The following DOCK10 variants were observed in gnomAD, a reference collection of about 807,000 sequenced individuals.
The protein encoded by DOCK10 is dedicator of cytokinesis protein 10.
A neutral mutation model predicts 280.1 loss-of-function variants in DOCK10; 145 were observed. The ratio of observed to expected loss-of-function variants is 0.52; its 90% CI spans 0.45 to 0.59. The LOEUF is 0.59. DOCK10 is among the 20% of genes least tolerant of loss of function. The probability of loss-of-function intolerance (pLI) is 0.00; values close to 1 mark genes in which losing one functional copy is unlikely to be tolerated. For synonymous variants in DOCK10, 915 were observed against 942.2 expected, an observed-to-expected ratio of 0.97 and a Z score of 0.53; for missense variants, 2,368 against 2,651.7, an observed-to-expected ratio of 0.89 and a Z score of 2.35.
At chr2:224,790,462 G>T (rs1353206011) in intron 47 of DOCK10, among the ~76,000 whole-genome samples, 1 of 152,100 alleles carries the variant, frequency 6.6e-6, no homozygotes, top group Admixed American at 6.6e-5. Flanking sequence ...CTTCTATGTA[G>T]CAAGTGCTTT....
chr2:224,801,414 T>C (rs541626444), intron 40 of DOCK10, among the ~76,000 whole-genome samples: 1 of 152,188 alleles, frequency 6.6e-6, no homozygotes, highest in Non-Finnish European at 1.5e-5. Flanking sequence ...AAAACCCCTC[T>C]GATGAGACTG....
intron 31 of DOCK10, among the ~76,000 whole-genome samples, chr2:224,812,664 A>C (rs1006816401): frequency 2.0e-5 from 3 of 152,182 alleles, no homozygotes; most frequent in Non-Finnish European, 4.4e-5. Context: ...ACGTCCCATC[A>C]ATACCTAATT....
At chr2:224,875,432 A>G (rs1294871747) in intron 8 of DOCK10, among the ~76,000 whole-genome samples, 1 of 152,172 alleles carries the variant, frequency 6.6e-6, no homozygotes, top group Non-Finnish European at 1.5e-5. Flanking sequence ...CCTTCTATGT[A>G]GCTACAGACT....
At chr2:224,973,032 T>C (rs540024743) in intron 1 of DOCK10, among the ~76,000 whole-genome samples, 133 of 152,382 alleles carry the variant, frequency 8.7e-4, no homozygotes, top group South Asian at 3.7e-3. Context: ...AAAGTAAGTT[T>C]CTGCTTAACA....
chr2:224,960,773 T>C (rs915983642), intron 1 of DOCK10, among the ~76,000 whole-genome samples: 4 of 127,154 alleles, frequency 3.1e-5, no homozygotes, highest in African/African-American at 1.1e-4. Flanking sequence ...GGAGTTTCGC[T>C]CTGTCGCCCA....
At position 224,809,118 on chromosome 2, in the gene DOCK10, G is replaced by A. The variant is rs193155989; in HGVS notation, c.3410-1032C>T. Among the ~76,000 whole-genome samples, 398 of 151,158 alleles carry A rather than the reference G, an allele frequency of 2.6e-3. 1 individual carries two copies. Among genetic ancestry groups the A allele is most frequent in the African/African-American group, 7.4e-3 (305 of 41,234 alleles). On this transcript the variant is annotated intron_variant, in intron 31 of 55. Coordinates refer to ENST00000258390, the MANE Select transcript of DOCK10 (RefSeq NM_014689.3). ...TTTGAGCCTGAATTATAGAGAAAAG[G>A]CCCTGCCAAATTTTGAGCCTGAATT...
chr2:225,015,965 G>A (rs1257188356), intron 1 of DOCK10, among the ~76,000 whole-genome samples: 1 of 151,948 alleles, frequency 6.6e-6, no homozygotes, highest in Non-Finnish European at 1.5e-5. Context: ...CATTTTAGCT[G>A]GAAATTTCAT....
At chr2:224,987,385 G>C (rs1280406044) in intron 1 of DOCK10, among the ~76,000 whole-genome samples, 3 of 152,172 alleles carry the variant, frequency 2.0e-5, no homozygotes, top group Non-Finnish European at 4.4e-5. Flanking sequence ...TAGAAAGTAG[G>C]GGCTGAATGT....
At chr2:224,830,403 C>T in intron 27 of DOCK10, 138 bp downstream of exon 27, 1 of 439,728 alleles carries the variant, frequency 2.3e-6, no homozygotes, top group Non-Finnish European at 3.9e-6. Flanking sequence ...ATCATTTCTT[C>T]TACTTATAAA....
chr2:224,990,425 T>C (rs1371495911), intron 1 of DOCK10, among the ~76,000 whole-genome samples: 1 of 152,184 alleles, frequency 6.6e-6, no homozygotes, highest in African/African-American at 2.4e-5. Flanking sequence ...TCCTCATCTG[T>C]TCAATGAATG....
intron 1 of DOCK10, among the ~76,000 whole-genome samples, chr2:225,018,744 T>TATAC (rs147813107): frequency 0.024 from 2,173 of 91,018 alleles, 98 homozygotes; most frequent in Non-Finnish European, 0.036. Flanking sequence ...TATATATATA[T>TATAC]ACACATACAC....
chr2:224,800,492 T>C (rs191312383), intron 40 of DOCK10, among the ~76,000 whole-genome samples: 3 of 152,302 alleles, frequency 2.0e-5, no homozygotes, highest in African/African-American at 7.2e-5. Flanking sequence ...TTCCATTGTT[T>C]CTGAGTTCTT....
At chr2:224,818,555 G>T (rs1412362577) in intron 29 of DOCK10, among the ~76,000 whole-genome samples, 1 of 152,154 alleles carries the variant, frequency 6.6e-6, no homozygotes, top group South Asian at 2.1e-4. Flanking sequence ...CCGCAACCAC[G>T]CCCGGCTAAT....
chr2:224,976,816 C>T (rs539030471), intron 1 of DOCK10, among the ~76,000 whole-genome samples: 2 of 152,196 alleles, frequency 1.3e-5, no homozygotes, highest in Admixed American at 1.3e-4. Flanking sequence ...TATCTTTTGC[C>T]CTATGCCACC....
chr2:224,865,185 C>T (rs1697824529), intron 11 of DOCK10, 98 bp from the exon 12 acceptor site: 2 of 1,190,446 alleles, frequency 1.7e-6, no homozygotes, highest in Non-Finnish European at 2.4e-6. Context: ...AGATAAAATA[C>T]ATGCAGCAGG....
intron 1 of DOCK10, among the ~76,000 whole-genome samples, chr2:225,014,931 T>C (rs1689550689): frequency 6.6e-6 from 1 of 152,242 alleles, no homozygotes; most frequent in African/African-American, 2.4e-5. Flanking sequence ...ATTCATTCTT[T>C]ACCTCTTGAA....
intron 1 of DOCK10, among the ~76,000 whole-genome samples, chr2:224,992,307 T>A (rs1706148807): frequency 6.6e-6 from 1 of 152,240 alleles, no homozygotes; most frequent in Admixed American, 6.5e-5. Flanking sequence ...TAGTTTACAA[T>A]AATCACGAAT....
chr2:224,798,019 A>G, intron 41 of DOCK10, 50 bp from the exon 42 acceptor site: 1 of 1,563,994 alleles, frequency 6.4e-7, no homozygotes, highest in East Asian at 2.3e-5. Context: ...GAAAATTTTC[A>G]TTCTATCAAA....
At chr2:225,035,242 T>A (rs1271287625) in intron 1 of DOCK10, among the ~76,000 whole-genome samples, 1 of 152,022 alleles carries the variant, frequency 6.6e-6, no homozygotes, top group African/African-American at 2.4e-5. Flanking sequence ...ACATGGATAG[T>A]CAAGGAAAGA....
Sources: allele counts gnomAD v4.1 joint callset (sites outside exome capture counted in the v4.1 genomes callset), GRCh38; gene constraint gnomAD v4.1.1; transcripts MANE v1.5; gene names NCBI Gene and HGNC (gene_info 2026-07-23, HGNC 2026-07-21).